Variants in CAMKMT observed in about 807,000 individuals in gnomAD.
CAMKMT encodes the protein CaM KMT.
Under a neutral mutation model 48.0 loss-of-function variants are expected in CAMKMT, and 53 were observed. That is an observed-to-expected ratio of 1.10 (90% CI 0.89 to 1.39). The LOEUF (loss-of-function observed/expected upper bound fraction) is 1.39. CAMKMT is among the 40% of genes most tolerant of loss of function. The pLI is 0.00. For missense variants in CAMKMT, 428 were observed against 402.7 expected (o/e 1.06, Z -0.54); for synonymous variants, 165 against 152.3 (o/e 1.08, Z -0.61).
At chr2:44,582,131 A>G (rs1245018193) in intron 3 of CAMKMT, among the ~76,000 whole-genome samples, 1 of 152,260 alleles carries the variant, frequency 6.6e-6, no homozygotes, top group Non-Finnish European at 1.5e-5. Context: ...GTAGGTAAGT[A>G]CAGGATGGCA....
intron 3 of CAMKMT, among the ~76,000 whole-genome samples, chr2:44,617,064 G>A (rs1023415808): frequency 6.6e-6 from 1 of 152,160 alleles, no homozygotes; most frequent in African/African-American, 2.4e-5. Context: ...TGAATGTCAT[G>A]GGATAAAATT....
chr2:44,711,413 A>G (rs7604385), intron 6 of CAMKMT, among the ~76,000 whole-genome samples: 6,843 of 152,300 alleles, frequency 0.045, 483 homozygotes, highest in African/African-American at 0.16. Flanking sequence ...TGAAGGGCAG[A>G]AGTTCTTTGA....
intron 3 of CAMKMT, among the ~76,000 whole-genome samples, chr2:44,614,543 T>C (rs569530654): frequency 6.6e-6 from 1 of 152,266 alleles, no homozygotes; most frequent in South Asian, 2.1e-4. Flanking sequence ...ATGAGCAAGA[T>C]AAGCAGAACA....
intron 7 of CAMKMT, among the ~76,000 whole-genome samples, chr2:44,718,317 C>A (rs553793588): frequency 6.6e-6 from 1 of 152,204 alleles, no homozygotes; most frequent in African/African-American, 2.4e-5. Flanking sequence ...AGTCTGGAAG[C>A]CTTAGCCCTA....
chr2:44,636,702 G>T (rs1055415316), intron 3 of CAMKMT, among the ~76,000 whole-genome samples: 4 of 152,194 alleles, frequency 2.6e-5, no homozygotes, highest in Non-Finnish European at 5.9e-5. Flanking sequence ...GAATGTATTA[G>T]CTGTGTCTTT....
chr2:44,757,362 G>C (rs1469900115), intron 9 of CAMKMT, among the ~76,000 whole-genome samples: 3 of 152,212 alleles, frequency 2.0e-5, no homozygotes, highest in Non-Finnish European at 4.4e-5. Flanking sequence ...TCCTCGCAGA[G>C]AGAAGGTATA....
chr2:44,488,059 T>G (rs892289933), intron 3 of CAMKMT, among the ~76,000 whole-genome samples: 15 of 152,248 alleles, frequency 9.9e-5, no homozygotes, highest in Admixed American at 6.5e-5. Context: ...TGTAATTAAA[T>G]GAGATATAGT....
chr2:44,406,250 C>T (rs990888773), intron 3 of CAMKMT, among the ~76,000 whole-genome samples: 4 of 152,088 alleles, frequency 2.6e-5, no homozygotes, highest in Non-Finnish European at 5.9e-5. Flanking sequence ...AAGTTCCTAA[C>T]CAAGCGCCTT....
chr2:44,659,699 T>C (rs1674577905), intron 3 of CAMKMT, among the ~76,000 whole-genome samples: 1 of 152,190 alleles, frequency 6.6e-6, no homozygotes, highest in Non-Finnish European at 1.5e-5. Flanking sequence ...TTTCCCTTAA[T>C]TTATACTGTC....
At chr2:44,745,522 ATAT>A (rs1457323450) in intron 8 of CAMKMT, among the ~76,000 whole-genome samples, 2 of 152,236 alleles carry the variant, frequency 1.3e-5, no homozygotes, top group South Asian at 4.1e-4. Flanking sequence ...ACATAACATA[ATAT>A]TATATGTATA....
At chr2:44,752,107 T>C (rs1680178438) in intron 8 of CAMKMT, among the ~76,000 whole-genome samples, 1 of 152,008 alleles carries the variant, frequency 6.6e-6, no homozygotes. Context: ...ATCACTGCTT[T>C]TCGGTGCTGT....
At chr2:44,521,512 C>G (rs1251826111) in intron 3 of CAMKMT, among the ~76,000 whole-genome samples, 1 of 152,192 alleles carries the variant, frequency 6.6e-6, no homozygotes, top group East Asian at 1.9e-4. Flanking sequence ...ATCCCCTGAC[C>G]TCGTGATTCA....
At chr2:44,437,036 C>T (rs1204177134) in intron 3 of CAMKMT, among the ~76,000 whole-genome samples, 5 of 152,082 alleles carry the variant, frequency 3.3e-5, no homozygotes, top group Non-Finnish European at 5.9e-5. Flanking sequence ...CATACCTGAG[C>T]GTTTAATTTT....
At chr2:44,575,171 C>T (rs563887481) in intron 3 of CAMKMT, among the ~76,000 whole-genome samples, 5 of 152,056 alleles carry the variant, frequency 3.3e-5, no homozygotes, top group Admixed American at 2.0e-4. Flanking sequence ...CTCCGTCTCC[C>T]GGTTTCAAGT....
At chr2:44,420,023 G>A (rs1353737821) in intron 3 of CAMKMT, among the ~76,000 whole-genome samples, 1 of 152,006 alleles carries the variant, frequency 6.6e-6, no homozygotes, top group African/African-American at 2.4e-5. Flanking sequence ...ACTCATACAA[G>A]ATTGCTGATC....
At position 44,362,053 on chromosome 2, in the gene CAMKMT, G is replaced by A. The variant is rs989336819; in HGVS notation, c.46G>A (p.Ala16Thr). ...ADAGTGETAR[A>T]AGGSPAVGCT... is the part of the protein sequence containing the mutation. ...CGCTGGGACCGGCGAGACCGCGCGA[G>A]CAGCGGGCGGGAGTCCGGCAGTTGG... Residue 16 changes from alanine to threonine, a missense_variant, in exon 1 of 11, where the codon GCA becomes ACA. Ala to Thr is a moderately conservative substitution (Grantham distance 58). Coordinates refer to ENST00000378494, the MANE Select transcript of CAMKMT (RefSeq NM_024766.5). 3 of 1,435,366 alleles carry A rather than the reference G, an allele frequency of 2.1e-6. No homozygotes were observed. In the Admixed American group the frequency reaches 1.0e-4, roughly 50 times the overall value. 88.9% of individuals were successfully genotyped at this position (1,435,366 alleles called of 1,614,324 possible).
At chr2:44,635,526 C>T (rs1021366631) in intron 3 of CAMKMT, among the ~76,000 whole-genome samples, 1 of 152,150 alleles carries the variant, frequency 6.6e-6, no homozygotes, top group Non-Finnish European at 1.5e-5. Context: ...GCATTCCATG[C>T]TCCATCTTGC....
rs78613917 is a variant in CAMKMT at position 44,449,048 on chromosome 2, C to A, written c.376+58743C>A. ...GAAAATGTTGAAAAATTGATTGCGA[C>A]AATGTTTGCACACCTGTGTAAATAC... On this transcript the variant is annotated intron_variant, in intron 3 of 10. Transcript: ENST00000378494. 2.0e-3 allele frequency among the ~76,000 whole-genome samples: 301 copies of A among 152,186 alleles called. 1 individual carries two copies. Among genetic ancestry groups the A allele is most frequent in the Admixed American group, 3.1e-3 (48 of 15,254 alleles).
intron 3 of CAMKMT, among the ~76,000 whole-genome samples, chr2:44,396,741 TA>T (rs35453105): frequency 0.012 from 1,561 of 132,104 alleles, 15 homozygotes; most frequent in African/African-American, 0.032. Flanking sequence ...ATTACCTTTC[TA>T]AAAAAAAAAA....
Sources: allele counts gnomAD v4.1 joint callset (sites outside exome capture counted in the v4.1 genomes callset), GRCh38; gene constraint gnomAD v4.1.1; transcripts MANE v1.5; gene names NCBI Gene and HGNC (gene_info 2026-07-23, HGNC 2026-07-21).